The following EFCAB11 variants were observed in gnomAD, a reference collection of about 807,000 sequenced individuals.
The protein encoded by EFCAB11 is EF-hand calcium-binding domain-containing protein 11.
Under a neutral mutation model 23.0 loss-of-function variants are expected in EFCAB11, and 14 were observed. The ratio of observed to expected loss-of-function variants is 0.61; its 90% CI spans 0.40 to 0.95. The LOEUF (loss-of-function observed/expected upper bound fraction) is 0.95, where lower values mean the gene tolerates loss of function less well. Ranked by LOEUF, EFCAB11 falls within the 40% of genes least tolerant of loss-of-function variation. The pLI, the probability that EFCAB11 is intolerant of heterozygous loss-of-function variation, is 0.00. For missense variants in EFCAB11, 198 were observed against 195.8 expected, an observed-to-expected ratio of 1.01 and a Z score of -0.07; for synonymous variants, 65 against 66.6, an observed-to-expected ratio of 0.98 and a Z score of 0.11.
intron 5 of EFCAB11, among the ~76,000 whole-genome samples, chr14:89,841,321 C>T (rs1246150400): frequency 6.6e-6 from 1 of 152,028 alleles, no homozygotes. Flanking sequence ...CTTATGTCTT[C>T]AGCTTTCTCT....
At chr14:89,850,511 T>C (rs1483009302) in intron 5 of EFCAB11, among the ~76,000 whole-genome samples, 9 of 152,348 alleles carry the variant, frequency 5.9e-5, no homozygotes, top group Admixed American at 1.3e-4. Context: ...GTGATTCTTA[T>C]GCACATAAAG....
In EFCAB11 at chr14:89,797,331, A is replaced by G. The variant is rs779483823; in HGVS notation, c.411-7T>C. 1.2e-6 allele frequency: 2 copies of G among 1,612,086 alleles called. No individual in the cohort carries two copies. Among genetic ancestry groups the G allele is most frequent in the Non-Finnish European group, 1.7e-6 (2 of 1,179,364 alleles). The stretch of plus-strand genomic sequence containing the variant: ...TGAATCTCGATCTACTTCCCTGGAA[A>G]ATGAAACAAAAAGTCATTTACACAT... On this transcript the variant is annotated splice_polypyrimidine_tract_variant and splice_region_variant and intron_variant, in intron 5 of 5. Coordinates refer to ENST00000316738, the MANE Select transcript of EFCAB11 (RefSeq NM_145231.4).
At chr14:89,928,704 CAATT>C (rs943193408) in intron 5 of EFCAB11, among the ~76,000 whole-genome samples, 4 of 146,880 alleles carry the variant, frequency 2.7e-5, no homozygotes, top group Non-Finnish European at 6.0e-5. Context: ...ATCATATATA[CAATT>C]ATTAATAATA....
chr14:89,819,668 C>A (rs1886446118), intron 5 of EFCAB11, among the ~76,000 whole-genome samples: 1 of 152,100 alleles, frequency 6.6e-6, no homozygotes, highest in Non-Finnish European at 1.5e-5. Flanking sequence ...AAGTCCTGGC[C>A]TCAAGCAATC....
At chr14:89,952,079 T>TA (rs1185606149) in intron 2 of EFCAB11, among the ~76,000 whole-genome samples, 8 of 152,292 alleles carry the variant, frequency 5.3e-5, no homozygotes, top group South Asian at 2.1e-4. Context: ...CAACCTAGTC[T>TA]AAAAAAATCT....
chr14:89,857,298 C>T (rs1330073327), intron 5 of EFCAB11, among the ~76,000 whole-genome samples: 2 of 152,328 alleles, frequency 1.3e-5, no homozygotes, highest in East Asian at 3.9e-4. Flanking sequence ...TTTGGGCACT[C>T]CCAGTCAAGT....
At chr14:89,808,481 G>A (rs1886047340) in intron 5 of EFCAB11, among the ~76,000 whole-genome samples, 1 of 151,984 alleles carries the variant, frequency 6.6e-6, no homozygotes, top group Non-Finnish European at 1.5e-5. Context: ...TTAACAGCTT[G>A]TACTTTAATT....
chr14:89,866,988 C>T (rs1318115313), intron 5 of EFCAB11, among the ~76,000 whole-genome samples: 3 of 152,136 alleles, frequency 2.0e-5, no homozygotes, highest in Non-Finnish European at 4.4e-5. Context: ...CCAGGCTGGT[C>T]TCCAACTCCT....
chr14:89,836,228 C>T (rs1278129860), intron 5 of EFCAB11, among the ~76,000 whole-genome samples: 1 of 151,844 alleles, frequency 6.6e-6, no homozygotes, highest in African/African-American at 2.4e-5. Flanking sequence ...AGAGGCGACC[C>T]TACCCTGGGC....
chr14:89,887,384 T>C (rs1888824523), intron 5 of EFCAB11, among the ~76,000 whole-genome samples: 2 of 152,154 alleles, frequency 1.3e-5, no homozygotes, highest in Non-Finnish European at 2.9e-5. Context: ...ATAGGAGTAA[T>C]AAATTAGACA....
At chr14:89,864,493 T>C (rs1009642375) in intron 5 of EFCAB11, among the ~76,000 whole-genome samples, 2 of 152,118 alleles carry the variant, frequency 1.3e-5, no homozygotes, top group African/African-American at 2.4e-5. Context: ...GGTGCAATCA[T>C]GGCTCACTGC....
chr14:89,895,718 G>A (rs779479627), intron 5 of EFCAB11, among the ~76,000 whole-genome samples: 2 of 152,144 alleles, frequency 1.3e-5, no homozygotes, highest in African/African-American at 4.8e-5. Flanking sequence ...ATAGGTAATA[G>A]GTCTCTGACT....
At chr14:89,853,131 A>C (rs1191038122) in intron 5 of EFCAB11, among the ~76,000 whole-genome samples, 1 of 152,240 alleles carries the variant, frequency 6.6e-6, no homozygotes, top group Middle Eastern at 3.2e-3. Flanking sequence ...TACAATAACA[A>C]GTTCAACTGG....
chr14:89,907,925 C>T (rs575582767), intron 5 of EFCAB11, among the ~76,000 whole-genome samples: 2 of 152,118 alleles, frequency 1.3e-5, no homozygotes, highest in African/African-American at 2.4e-5. Context: ...GGTCGTTGTG[C>T]GGATCAAATG....
chr14:89,900,078 C>A (rs1003675113), intron 5 of EFCAB11, among the ~76,000 whole-genome samples: 1 of 152,114 alleles, frequency 6.6e-6, no homozygotes, highest in African/African-American at 2.4e-5. Context: ...TCAATTGATT[C>A]TGGAGGGGAA....
intron 5 of EFCAB11, among the ~76,000 whole-genome samples, chr14:89,808,039 T>A (rs1282169968): frequency 5.9e-5 from 9 of 152,146 alleles, no homozygotes; most frequent in African/African-American, 2.2e-4. Context: ...TGGCTATCCA[T>A]CTGGGGATGG....
intron 5 of EFCAB11, among the ~76,000 whole-genome samples, chr14:89,911,235 C>A (rs1889665150): frequency 6.6e-6 from 1 of 152,202 alleles, no homozygotes; most frequent in African/African-American, 2.4e-5. Context: ...AAGGCTAAAT[C>A]AAATAAATAG....
chr14:89,823,143 G>A (rs751286421), intron 5 of EFCAB11, among the ~76,000 whole-genome samples: 7 of 152,150 alleles, frequency 4.6e-5, no homozygotes, highest in Non-Finnish European at 1.0e-4. Flanking sequence ...TGTAGTAAAA[G>A]AGGAGGTCGA....
intron 5 of EFCAB11, among the ~76,000 whole-genome samples, chr14:89,863,668 A>G (rs1174494341): frequency 1.3e-5 from 2 of 152,224 alleles, no homozygotes; most frequent in African/African-American, 4.8e-5. Context: ...AGCAATGGGG[A>G]TGCACCCTGC....
Sources: gnomAD v4.1 joint callset for allele counts (sites outside exome capture counted in the v4.1 genomes callset) on GRCh38, gnomAD v4.1.1 for gene constraint, MANE v1.5 for transcripts, NCBI Gene and HGNC (gene_info 2026-07-23, HGNC 2026-07-21) for gene names.